The following GSK3B variants were observed in gnomAD, a reference collection of about 807,000 sequenced individuals.
GSK3B encodes glycogen synthase kinase-3 beta.
A neutral mutation model predicts 56.4 loss-of-function variants in GSK3B; 15 were observed. The observed-to-expected ratio is 0.27, with a 90% CI of 0.18 to 0.41. The LOEUF (loss-of-function observed/expected upper bound fraction) is 0.41. Among genes scored for constraint, GSK3B ranks in the 10% least tolerant of loss-of-function variants. GSK3B has a pLI of 1.00. For synonymous variants in GSK3B, 181 were observed against 188.9 expected, an observed-to-expected ratio of 0.96 and a Z score of 0.34; for missense variants, 300 against 513.4, an observed-to-expected ratio of 0.58 and a Z score of 4.02.
At chr3:120,064,365 C>T (rs961945635) in intron 1 of GSK3B, among the ~76,000 whole-genome samples, 9 of 151,676 alleles carry the variant, frequency 5.9e-5, no homozygotes, top group Non-Finnish European at 1.5e-5. Flanking sequence ...TTTTTATACA[C>T]TAACAATAAA....
chr3:119,870,640 A>C (rs755136459), intron 8 of GSK3B, among the ~76,000 whole-genome samples: 6 of 152,216 alleles, frequency 3.9e-5, no homozygotes, highest in Non-Finnish European at 7.3e-5. Context: ...GAGGTCTACT[A>C]ACATAGGAAA....
At chr3:119,941,144 T>C (rs2057045207) in intron 3 of GSK3B, among the ~76,000 whole-genome samples, 1 of 151,780 alleles carries the variant, frequency 6.6e-6, no homozygotes, top group African/African-American at 2.4e-5. Flanking sequence ...GCCTCCTGAG[T>C]AGCTGGGATT....
intron 1 of GSK3B, among the ~76,000 whole-genome samples, chr3:120,063,269 C>T (rs1230744258): frequency 1.3e-5 from 2 of 152,148 alleles, no homozygotes; most frequent in Non-Finnish European, 1.5e-5. Flanking sequence ...ATTATGTGCA[C>T]TTCTATACTG....
chr3:119,901,706 T>A (rs926771853), intron 7 of GSK3B, among the ~76,000 whole-genome samples: 2 of 152,148 alleles, frequency 1.3e-5, no homozygotes, highest in Admixed American at 6.6e-5. Flanking sequence ...GTTTAACAAG[T>A]TAATTCAATA....
chr3:119,886,114 T>C (rs1302150280), intron 7 of GSK3B, among the ~76,000 whole-genome samples: 2 of 152,064 alleles, frequency 1.3e-5, no homozygotes, highest in Non-Finnish European at 2.9e-5. Flanking sequence ...ACTTACAGAA[T>C]TGGAGAAAAC....
At chr3:119,907,436 C>T (rs556594527) in intron 6 of GSK3B, among the ~76,000 whole-genome samples, 1 of 152,250 alleles carries the variant, frequency 6.6e-6, no homozygotes, top group East Asian at 1.9e-4. Context: ...GACAACTATA[C>T]TAGCAGCCCT....
At chr3:119,971,562 C>A (rs1231210177) in intron 2 of GSK3B, among the ~76,000 whole-genome samples, 1 of 136,818 alleles carries the variant, frequency 7.3e-6, no homozygotes, top group Non-Finnish European at 1.5e-5. Flanking sequence ...CCTAAAAAGT[C>A]TGATATAAAA....
At chr3:119,892,042 G>A (rs1309848152) in intron 7 of GSK3B, among the ~76,000 whole-genome samples, 1 of 152,120 alleles carries the variant, frequency 6.6e-6, no homozygotes, top group Non-Finnish European at 1.5e-5. Context: ...TACGGCCCAA[G>A]AAGCACCTCA....
chr3:119,915,024 G>A (rs2056767088), intron 5 of GSK3B, among the ~76,000 whole-genome samples: 1 of 152,080 alleles, frequency 6.6e-6, no homozygotes. Context: ...GATTACACCA[G>A]TGAGGAAGTA....
At chr3:119,847,704 A>G (rs1345068314) in intron 9 of GSK3B, among the ~76,000 whole-genome samples, 1 of 152,248 alleles carries the variant, frequency 6.6e-6, no homozygotes, top group East Asian at 1.9e-4. Context: ...GAGTAGGTAT[A>G]TTAATAAGAC....
rs2055499078 is a variant in GSK3B at position 119,826,065 on chromosome 3, T to C, written c.*723A>G. The C allele has an allele frequency of 4.5e-6, 1 of 224,310 alleles. No homozygotes were observed. Among genetic ancestry groups the C allele is most frequent in the Non-Finnish European group, 8.9e-6 (1 of 112,706 alleles). 13.9% of individuals were successfully genotyped at this position (224,310 alleles called of 1,614,324 possible). A position where few individuals can be genotyped will look rare whatever the true frequency, so the allele number is the denominator to read the frequency against. ...GCATGTGTGCCTGAGTCTTGCTTGC[T>C]GCTTCCCCTCTGGCAGCCTCCTGTA... On this transcript the variant is annotated 3_prime_UTR_variant, in exon 11 of 11. Coordinates refer to ENST00000264235, the MANE Select transcript of GSK3B (RefSeq NM_001146156.2).
intron 1 of GSK3B, among the ~76,000 whole-genome samples, chr3:120,087,131 T>TC (rs1433662846): frequency 1.3e-5 from 2 of 152,242 alleles, no homozygotes; most frequent in African/African-American, 4.8e-5. Context: ...CAGGAGCACT[T>TC]CTGGTTTACT....
At chr3:120,082,910 T>C (rs912731380) in intron 1 of GSK3B, among the ~76,000 whole-genome samples, 4 of 152,178 alleles carry the variant, frequency 2.6e-5, no homozygotes, top group Non-Finnish European at 5.9e-5. Context: ...AAATTACATA[T>C]ATAATTCACC....
chr3:119,885,337 G>C (rs1420585992), intron 7 of GSK3B, among the ~76,000 whole-genome samples: 2 of 151,836 alleles, frequency 1.3e-5, no homozygotes, highest in African/African-American at 4.8e-5. Context: ...TCTCTACAGG[G>C]AGAACTACAA....
intron 2 of GSK3B, among the ~76,000 whole-genome samples, chr3:120,000,988 G>C (rs1344408639): frequency 1.4e-5 from 2 of 141,726 alleles, no homozygotes; most frequent in South Asian, 2.3e-4. Context: ...GCAGTGGCGC[G>C]ATCTCGGCTC....
chr3:120,013,604 G>A (rs569958120), intron 1 of GSK3B, among the ~76,000 whole-genome samples: 1 of 152,242 alleles, frequency 6.6e-6, no homozygotes, highest in South Asian at 2.1e-4. Context: ...TGCAACAAAA[G>A]CCTAGAGAAA....
intron 2 of GSK3B, among the ~76,000 whole-genome samples, chr3:119,968,343 AC>A (rs759202993): frequency 2.0e-5 from 3 of 152,174 alleles, no homozygotes; most frequent in Non-Finnish European, 4.4e-5. Flanking sequence ...CTGGACAAAA[AC>A]ATTATAAAAA....
chr3:120,009,212 A>G (rs2057756794), intron 1 of GSK3B, among the ~76,000 whole-genome samples: 1 of 152,240 alleles, frequency 6.6e-6, no homozygotes, highest in Non-Finnish European at 1.5e-5. Flanking sequence ...GTGGAAAAAT[A>G]GGAACACTTT....
At chr3:120,013,676 A>G (rs1365438613) in intron 1 of GSK3B, among the ~76,000 whole-genome samples, 1 of 152,200 alleles carries the variant, frequency 6.6e-6, no homozygotes, top group Non-Finnish European at 1.5e-5. Context: ...TTTCTGTCTA[A>G]CAATAGTATT....
Sources: allele counts gnomAD v4.1 joint callset (sites outside exome capture counted in the v4.1 genomes callset), GRCh38; gene constraint gnomAD v4.1.1; transcripts MANE v1.5; gene names NCBI Gene and HGNC (gene_info 2026-07-23, HGNC 2026-07-21).